GPR160: variants seen among roughly 807,000 people sequenced by gnomAD.
GPR160 encodes the protein probable G protein-coupled receptor 160.
GPR160 carries 2 observed loss-of-function variants against 2.6 expected under a neutral mutation model. The ratio of observed to expected loss-of-function variants is 0.77; its 90% confidence interval spans 0.32 to 2.44. GPR160 has a LOEUF of 2.44. Ranked by LOEUF, GPR160 falls within the 30% of genes most tolerant of loss-of-function variation. The pLI, the probability that GPR160 is intolerant of heterozygous loss-of-function variation, is 0.11. For missense variants in GPR160, 351 were observed against 383.6 expected (o/e 0.91, Z 0.71); for synonymous variants, 130 against 132.2 (o/e 0.98, Z 0.12).
intron 2 of GPR160, among the ~76,000 whole-genome samples, chr3:170,041,278 C>G (rs974585697): frequency 2.0e-5 from 3 of 150,634 alleles, no homozygotes. Flanking sequence ...TGTAGATTCA[C>G]TAGTCTAAAG....
intron 2 of GPR160, among the ~76,000 whole-genome samples, chr3:170,055,973 C>G (rs1297428158): frequency 6.6e-6 from 1 of 152,238 alleles, no homozygotes; most frequent in African/African-American, 2.4e-5. Context: ...AGCATGTTTG[C>G]TAAGCGGTCA....
intron 2 of GPR160, among the ~76,000 whole-genome samples, chr3:170,043,579 G>T (rs9844003): frequency 0.019 from 2,841 of 152,286 alleles, 85 homozygotes; most frequent in African/African-American, 0.064. Flanking sequence ...GTTTTTGCCT[G>T]AGGTCTTGCA....
intron 2 of GPR160, among the ~76,000 whole-genome samples, chr3:170,065,109 A>T (rs1475187414): frequency 3.3e-5 from 5 of 152,234 alleles, no homozygotes; most frequent in African/African-American, 4.8e-5. Context: ...GAGGAAATAA[A>T]CTTGAAAATT....
rs746234304 is a variant in GPR160, at chr3:170,084,399, G to A, written c.427G>A (p.Val143Ile). The part of the protein sequence containing the change: ...KCQKLFYFFT[V>I]ILIWISVLAY... The stretch of plus-strand genomic sequence containing the variant: ...TCAAAAATTATTTTATTTCTTTACA[G>A]TAATTTTAATTTGGATTTCAGTCCT... Residue 143 changes from valine to isoleucine, a missense_variant, in exon 4 of 4, where the codon GTA becomes ATA. Physicochemically the swap from Val to Ile is conservative, Grantham distance 29. Coordinates refer to ENST00000355897, the MANE Select transcript of GPR160 (RefSeq NM_014373.3). 2 of 1,605,076 alleles carry A rather than the reference G, an allele frequency of 1.2e-6. No homozygotes were observed. Among genetic ancestry groups the A allele is most frequent in the Non-Finnish European group, 1.7e-6 (2 of 1,172,212 alleles).
intron 2 of GPR160, among the ~76,000 whole-genome samples, chr3:170,073,847 G>C (rs1190245236): frequency 6.7e-6 from 1 of 149,440 alleles, no homozygotes; most frequent in African/African-American, 2.5e-5. Context: ...TTTGTGGGTA[G>C]GTTTTAAATA....
chr3:170,064,354 C>A (rs1222999872), intron 2 of GPR160, among the ~76,000 whole-genome samples: 1 of 152,056 alleles, frequency 6.6e-6, no homozygotes. Context: ...ACCCGAACTG[C>A]GGCTGCCAGC....
At chr3:170,041,018 A>G (rs1411498914) in intron 2 of GPR160, among the ~76,000 whole-genome samples, 1 of 152,206 alleles carries the variant, frequency 6.6e-6, no homozygotes, top group African/African-American at 2.4e-5. Context: ...GATTTAGCCT[A>G]TAATTCCTAC....
At position 170,084,473 on chromosome 3, in the gene GPR160, G is replaced by A. The variant is rs1713311308; in HGVS notation, c.501G>A (p.Gln167=). 1 of 1,613,652 alleles carries A rather than the reference G, an allele frequency of 6.2e-7. No homozygotes were observed. The highest frequency in any genetic ancestry group is 2.2e-5 in the East Asian group (1 of 44,876). Residue 167 remains glutamine (Q), a synonymous_variant, in exon 4 of 4, where the codon CAG becomes CAA. Transcript: ENST00000355897. The stretch of plus-strand genomic sequence containing the variant: ...CCATCTACCAAAGCCTGAAGGCACA[G>A]AATGCTTATTCTCGTCACTGTCCTT... ...DPAIYQSLKA[Q]NAYSRHCPFY...
At position 170,060,937 on chromosome 3, in the gene GPR160, A is replaced by C. The variant is rs565925364; in HGVS notation, c.-192-18837A>C. Among the ~76,000 whole-genome samples the C allele has an allele frequency of 3.3e-5, 5 of 152,262 alleles. No homozygotes were observed. The East Asian group carries it at 9.6e-4, about 29-fold the overall frequency. On this transcript the variant is annotated intron_variant, in intron 2 of 3. Coordinates refer to ENST00000355897, the MANE Select transcript of GPR160 (RefSeq NM_014373.3). Reference sequence around the variant, plus strand: ...ATTGAGAAAACAATTAGACAAATCGAGATTATGTGATATTTTACAAGATAA... The same window carrying C: ...ATTGAGAAAACAATTAGACAAATCGCGATTATGTGATATTTTACAAGATAA...
At chr3:170,079,564 T>C (rs1713028596) in intron 2 of GPR160, among the ~76,000 whole-genome samples, 1 of 152,196 alleles carries the variant, frequency 6.6e-6, no homozygotes, top group Admixed American at 6.5e-5. Context: ...TATGCATCAA[T>C]CTCTCCATCT....
chr3:170,084,852 TTTAA>T lies in GPR160; in HGVS notation c.883_886del (p.Asn295ValfsTer6). 3 of 1,610,610 alleles carry T rather than the reference TTTAA, an allele frequency of 1.9e-6. No individual in the cohort carries two copies. The highest frequency in any genetic ancestry group is 1.7e-6 in the Non-Finnish European group (2 of 1,177,208). On this transcript the variant is annotated frameshift_variant, in exon 4 of 4. Coordinates refer to ENST00000355897, the MANE Select transcript of GPR160 (RefSeq NM_014373.3). LOFTEE classifies it high-confidence loss of function. ...TTTTCTCATTGCTACAGTGTATTGG[TTTAA>T]TTGTCACAAGCTTAATTTAAAAGAC...
At chr3:170,056,199 C>T (rs558888481) in intron 2 of GPR160, among the ~76,000 whole-genome samples, 3 of 152,190 alleles carry the variant, frequency 2.0e-5, no homozygotes, top group South Asian at 4.1e-4. Flanking sequence ...AAAATGATGA[C>T]GAGGTGAATA....
chr3:170,055,870 G>A (rs1266302367), intron 2 of GPR160, among the ~76,000 whole-genome samples: 1 of 152,152 alleles, frequency 6.6e-6, no homozygotes, highest in Non-Finnish European at 1.5e-5. Context: ...TCCTCACTTC[G>A]TGATCCGCCC....
At chr3:170,076,869 T>C (rs1712878121) in intron 2 of GPR160, among the ~76,000 whole-genome samples, 1 of 152,180 alleles carries the variant, frequency 6.6e-6, no homozygotes, top group African/African-American at 2.4e-5. Flanking sequence ...TTCACATACA[T>C]ACATTGGGTC....
intron 2 of GPR160, among the ~76,000 whole-genome samples, chr3:170,060,197 G>A (rs1040904635): frequency 1.3e-5 from 2 of 152,124 alleles, no homozygotes; most frequent in African/African-American, 4.8e-5. Context: ...AAAATTTTAA[G>A]CATTCAAAAG....
At chr3:170,077,538 GGAGT>G (rs2108345941) in intron 2 of GPR160, 1 of 152,340 alleles carries the variant, frequency 6.6e-6, no homozygotes, top group South Asian at 2.1e-4. Context: ...CAGAGGGCAA[GGAGT>G]AGGTACAAGG....
chr3:170,040,817 G>A (rs1221181999), intron 2 of GPR160, among the ~76,000 whole-genome samples: 1 of 152,214 alleles, frequency 6.6e-6, no homozygotes, highest in African/African-American at 2.4e-5. Flanking sequence ...GCTTAGCTGT[G>A]TTGTGTTGCC....
rs139474715 is a variant in GPR160, at chr3:170,042,677, AT to A, written c.-193+3635del. On this transcript the variant is annotated intron_variant, in intron 2 of 3. Transcript: ENST00000355897. ...GCCCCCATCTCTACAAAAAAAAAAA[AT>A]AAATAAATAATAATAATAATAATAA... 4.3e-3 allele frequency among the ~76,000 whole-genome samples: 633 copies of A among 145,790 alleles called. 5 individuals are homozygous for A. Among genetic ancestry groups the A allele is most frequent in the African/African-American group, 8.3e-3 (322 of 39,018 alleles).
chr3:170,061,157 C>T (rs1308825107), intron 2 of GPR160, among the ~76,000 whole-genome samples: 1 of 151,910 alleles, frequency 6.6e-6, no homozygotes, highest in African/African-American at 2.4e-5. Flanking sequence ...CACCTGTAAT[C>T]CCAGCTACTC....
Sources: allele counts gnomAD v4.1 joint callset (sites outside exome capture counted in the v4.1 genomes callset), GRCh38; gene constraint gnomAD v4.1.1; transcripts MANE v1.5; gene names NCBI Gene and HGNC (gene_info 2026-07-23, HGNC 2026-07-21).